Variants in GPC5 observed in about 807,000 individuals in gnomAD.
The protein encoded by GPC5 is glypican-5.
Under a neutral mutation model 53.9 loss-of-function variants are expected in GPC5, and 47 were observed. The observed-to-expected ratio is 0.87, with a 90% confidence interval of 0.69 to 1.11. The LOEUF (loss-of-function observed/expected upper bound fraction) is 1.11. Ranked by LOEUF, GPC5 falls within the 50% of genes most tolerant of loss-of-function variation. The pLI, the probability that GPC5 is intolerant of heterozygous loss-of-function variation, is 0.00. For synonymous variants in GPC5, 286 were observed against 263.3 expected (o/e 1.09, Z -0.84); for missense variants, 748 against 713.1 (o/e 1.05, Z -0.56).
intron 2 of GPC5, among the ~76,000 whole-genome samples, chr13:91,640,355 A>G (rs2034394135): frequency 6.6e-6 from 1 of 152,230 alleles, no homozygotes. Flanking sequence ...GAAGACATTC[A>G]TGTGGCCAAG....
At chr13:92,353,961 C>CT (rs2043501547) in intron 7 of GPC5, among the ~76,000 whole-genome samples, 1 of 152,250 alleles carries the variant, frequency 6.6e-6, no homozygotes, top group Admixed American at 6.5e-5. Context: ...AAATACGTGT[C>CT]TTTTTTGTAA....
intron 7 of GPC5, among the ~76,000 whole-genome samples, chr13:92,588,649 C>T (rs1021319912): frequency 6.6e-6 from 1 of 152,182 alleles, no homozygotes; most frequent in African/African-American, 2.4e-5. Context: ...TGTGTCTGTT[C>T]TAATTCAGCA....
At chr13:91,476,305 G>A (rs1157503348) in intron 2 of GPC5, among the ~76,000 whole-genome samples, 1 of 152,176 alleles carries the variant, frequency 6.6e-6, no homozygotes, top group Non-Finnish European at 1.5e-5. Context: ...ATCTTGTGCT[G>A]ATAATCTTCG....
intron 6 of GPC5, among the ~76,000 whole-genome samples, chr13:92,123,659 C>A (rs9583994): frequency 0.074 from 11,297 of 152,012 alleles, 1,404 homozygotes; most frequent in African/African-American, 0.26. Flanking sequence ...TTTACAGCTC[C>A]GTCAGATTGT....
At chr13:92,662,284 A>C (rs1886373359) in intron 7 of GPC5, among the ~76,000 whole-genome samples, 1 of 152,142 alleles carries the variant, frequency 6.6e-6, no homozygotes, top group South Asian at 2.1e-4. Flanking sequence ...GAATGATTAA[A>C]TTTTCAATTG....
chr13:91,514,243 T>C (rs1885381593), intron 2 of GPC5, among the ~76,000 whole-genome samples: 1 of 152,204 alleles, frequency 6.6e-6, no homozygotes, highest in African/African-American at 2.4e-5. Flanking sequence ...TGAATGGCTG[T>C]ACCATTTTAT....
chr13:92,383,121 T>C (rs1299966597), intron 7 of GPC5, among the ~76,000 whole-genome samples: 2 of 152,034 alleles, frequency 1.3e-5, no homozygotes, highest in Non-Finnish European at 2.9e-5. Flanking sequence ...CTCATATTAA[T>C]ATGTATGATA....
At chr13:91,950,091 G>A (rs9515994) in intron 6 of GPC5, among the ~76,000 whole-genome samples, 65,198 of 151,700 alleles carry the variant, frequency 0.43, 15,945 homozygotes, top group East Asian at 0.74. Context: ...TTAAAACTTG[G>A]TCATGGCAGG....
At position 91,572,215 on chromosome 13, in the gene GPC5, A is replaced by G. The variant is rs111625697; in HGVS notation, c.326-120972A>G. ...CACACACATATGTATATATACGTGT[A>G]TATATATACACATATGTATATACAT... On this transcript the variant is annotated intron_variant, in intron 2 of 7. Transcript: ENST00000377067. Among the ~76,000 whole-genome samples the G allele has an allele frequency of 5.5e-3, 259 of 47,404 alleles. 31 individuals carry two copies. The highest frequency in any genetic ancestry group is 0.038 in the African/African-American group (172 of 4,526). 31.1% of individuals were successfully genotyped at this position (47,404 alleles called of 152,430 possible).
At chr13:92,794,241 A>G (rs968690038) in intron 7 of GPC5, among the ~76,000 whole-genome samples, 1 of 152,186 alleles carries the variant, frequency 6.6e-6, no homozygotes, top group Non-Finnish European at 1.5e-5. Context: ...ACGTGAATCA[A>G]TAAACGTAAT....
At chr13:91,726,874 T>C (rs924355600) in intron 3 of GPC5, among the ~76,000 whole-genome samples, 2 of 152,220 alleles carry the variant, frequency 1.3e-5, no homozygotes, top group Admixed American at 6.5e-5. Context: ...CTTTCCCTGC[T>C]TGGAAGCTTT....
At chr13:92,054,902 G>A (rs1457841789) in intron 6 of GPC5, among the ~76,000 whole-genome samples, 1 of 152,150 alleles carries the variant, frequency 6.6e-6, no homozygotes, top group African/African-American at 2.4e-5. Context: ...GAATAAAAAT[G>A]TGAACTATTC....
At chr13:92,492,709 C>T (rs1879814196) in intron 7 of GPC5, among the ~76,000 whole-genome samples, 1 of 152,068 alleles carries the variant, frequency 6.6e-6, no homozygotes, top group Non-Finnish European at 1.5e-5. Context: ...GTTCTTCTTC[C>T]TTAGGAAAGC....
At chr13:91,981,394 A>T (rs1271508043) in intron 6 of GPC5, among the ~76,000 whole-genome samples, 6 of 150,260 alleles carry the variant, frequency 4.0e-5, no homozygotes, top group Admixed American at 4.0e-4. Flanking sequence ...GGTTCACGCC[A>T]TTCTCCTGCC....
At chr13:92,579,721 A>G (rs1883313704) in intron 7 of GPC5, among the ~76,000 whole-genome samples, 1 of 152,130 alleles carries the variant, frequency 6.6e-6, no homozygotes. Context: ...TGTCTTTAAC[A>G]TGTCTTAGAG....
chr13:92,446,678 C>G (rs1205132585), intron 7 of GPC5: 1 of 152,086 alleles, frequency 6.6e-6, no homozygotes, highest in Admixed American at 6.6e-5. Flanking sequence ...TACAGTAGTT[C>G]TATTTTGAGT....
chr13:91,478,998 C>T lies in GPC5; in HGVS notation c.325+30076C>T, dbSNP rs189361714. Among the ~76,000 whole-genome samples the T allele has an allele frequency of 1.5e-4, 22 of 150,004 alleles. No individual in the cohort carries two copies. The East Asian group carries it at 2.0e-3, about 13-fold the overall frequency. ...CACCATCTTGGCTCACTGCAACCTC[C>T]GCCTTCTGGGTTCAAGCGATTCTCC... On this transcript the variant is annotated intron_variant, in intron 2 of 7. Coordinates refer to ENST00000377067, the MANE Select transcript of GPC5 (RefSeq NM_004466.6).
chr13:92,474,220 C>T (rs1879015248), intron 7 of GPC5, among the ~76,000 whole-genome samples: 1 of 151,794 alleles, frequency 6.6e-6, no homozygotes, highest in Non-Finnish European at 1.5e-5. Flanking sequence ...TGGGACAAAA[C>T]CCATTGCACC....
At chr13:92,133,615 TCCTC>T (rs2041761861) in intron 6 of GPC5, among the ~76,000 whole-genome samples, 1 of 152,154 alleles carries the variant, frequency 6.6e-6, no homozygotes, top group African/African-American at 2.4e-5. Flanking sequence ...ATTAAAGTCT[TCCTC>T]CCTCCCTCTC....
Sources: allele counts gnomAD v4.1 joint callset (sites outside exome capture counted in the v4.1 genomes callset), GRCh38; gene constraint gnomAD v4.1.1; transcripts MANE v1.5; gene names NCBI Gene and HGNC (gene_info 2026-07-23, HGNC 2026-07-21).